The following PTPRT variants were observed in gnomAD, a reference collection of about 807,000 sequenced individuals.
PTPRT encodes the protein receptor-type tyrosine-protein phosphatase T.
A neutral mutation model predicts 176.8 loss-of-function variants in PTPRT; 56 were observed. The ratio of observed to expected loss-of-function variants is 0.32; its 90% CI spans 0.26 to 0.40. The LOEUF (loss-of-function observed/expected upper bound fraction) is 0.40. Ranked by LOEUF, PTPRT falls within the 10% of genes least tolerant of loss-of-function variation. PTPRT has a pLI of 1.00. For missense variants in PTPRT, 1,540 were observed against 1,908.2 expected (o/e 0.81, Z 3.60); for synonymous variants, 783 against 739.0 (o/e 1.06, Z -0.96).
intron 15 of PTPRT, among the ~76,000 whole-genome samples, chr20:42,218,623 A>G (rs2055821429): frequency 6.6e-6 from 1 of 152,194 alleles, no homozygotes; most frequent in Non-Finnish European, 1.5e-5. Flanking sequence ...TCTCCCAAGC[A>G]CAGAAAGCTG....
At chr20:42,154,122 A>G (rs1371589332) in intron 17 of PTPRT, among the ~76,000 whole-genome samples, 1 of 152,152 alleles carries the variant, frequency 6.6e-6, no homozygotes, top group Non-Finnish European at 1.5e-5. Context: ...TTTCCCATTC[A>G]TGATTTGGGC....
intron 5 of PTPRT, among the ~76,000 whole-genome samples, chr20:42,764,681 C>T (rs2076958847): frequency 6.6e-6 from 1 of 152,200 alleles, no homozygotes; most frequent in Non-Finnish European, 1.5e-5. Flanking sequence ...ATCTAAGGCT[C>T]AGTCTCCTCA....
chr20:43,005,410 G>C (rs1984801620), intron 1 of PTPRT, among the ~76,000 whole-genome samples: 1 of 152,020 alleles, frequency 6.6e-6, no homozygotes, highest in Non-Finnish European at 1.5e-5. Context: ...CTCAAACTGG[G>C]TGTTCTTTTC....
At chr20:42,333,630 C>T (rs2057999186) in intron 11 of PTPRT, among the ~76,000 whole-genome samples, 2 of 152,066 alleles carry the variant, frequency 1.3e-5, no homozygotes, top group Admixed American at 1.3e-4. Flanking sequence ...CTGCGCCCAG[C>T]CAGGCTTAGT....
intron 7 of PTPRT, among the ~76,000 whole-genome samples, chr20:42,656,837 C>T (rs1300726178): frequency 6.6e-6 from 1 of 152,190 alleles, no homozygotes; most frequent in Non-Finnish European, 1.5e-5. Flanking sequence ...CCTCCACTCT[C>T]TCACCCCCTT....
intron 1 of PTPRT, among the ~76,000 whole-genome samples, chr20:42,897,293 G>A (rs1600533664): frequency 6.6e-6 from 1 of 152,256 alleles, no homozygotes; most frequent in Admixed American, 6.5e-5. Context: ...AGAAAACAGT[G>A]TCTGATCTGT....
At chr20:42,755,555 G>A (rs541543697) in intron 6 of PTPRT, among the ~76,000 whole-genome samples, 5 of 147,628 alleles carry the variant, frequency 3.4e-5, no homozygotes, top group Non-Finnish European at 5.9e-5. Context: ...GCAGTTACCA[G>A]TGTAAACTGT....
chr20:42,184,540 C>CTT (rs879588603), intron 16 of PTPRT, among the ~76,000 whole-genome samples: 38,739 of 112,484 alleles, frequency 0.34, 7,339 homozygotes, highest in African/African-American at 0.4. Flanking sequence ...TCTTCCTCTT[C>CTT]CTCTTCTTCT....
chr20:42,912,738 T>A (rs1978482096), intron 1 of PTPRT, among the ~76,000 whole-genome samples: 1 of 152,248 alleles, frequency 6.6e-6, no homozygotes, highest in South Asian at 2.1e-4. Context: ...AACTTTATTT[T>A]ACTTTTTAAA....
intron 5 of PTPRT, among the ~76,000 whole-genome samples, chr20:42,763,635 T>G (rs753956231): frequency 5.9e-5 from 9 of 152,240 alleles, no homozygotes; most frequent in Non-Finnish European, 1.2e-4. Flanking sequence ...CTAGTCACCC[T>G]GCTGCCACGG....
chr20:42,058,013 G>T, the PTPRT span, among the ~76,000 whole-genome samples: 4 of 152,182 alleles, frequency 2.6e-5, no homozygotes, highest in Non-Finnish European at 4.4e-5. Flanking sequence ...TACATTGCAT[G>T]TCAAAACAAG....
chr20:42,071,118 T>A (rs2146038612), downstream of PTPRT, among the ~76,000 whole-genome samples: 1 of 152,232 alleles, frequency 6.6e-6, no homozygotes, highest in East Asian at 1.9e-4. Flanking sequence ...GCCATGTATC[T>A]AGGTTCCTCA....
intron 13 of PTPRT, among the ~76,000 whole-genome samples, chr20:42,272,194 G>A (rs6016731): frequency 0.012 from 1,804 of 152,212 alleles, 42 homozygotes; most frequent in African/African-American, 0.041. Context: ...TATATAAAAT[G>A]CAAATTTCAG....
rs761093954 is a variant in PTPRT, at chr20:42,352,176, T to A, written c.1670A>T (p.Tyr557Phe). Residue 557 changes from tyrosine (Y) to phenylalanine (F), a missense_variant, in exon 10 of 31, where the codon TAC (tyrosine) becomes TTC (phenylalanine). Tyr to Phe is a conservative substitution (Grantham distance 22, BLOSUM62 3). Around this residue, in one of 11 missense-constraint regions of PTPRT, gnomAD observed 136 missense variants for 135.0 expected, o/e 1.01. Coordinates refer to ENST00000373187, the MANE Select transcript of PTPRT (RefSeq NM_007050.6). ...GGTGAAGGAATAGGTGGTCCCTGGG[T>A]ACAGACCCACAAAGAGGTGGTGGGT... is the stretch of plus-strand genomic sequence containing the variant. ...NETHHLFVGL[Y>F]PGTTYSFTIK... 9.3e-6 allele frequency: 15 copies of A among 1,614,060 alleles called. No homozygotes were observed. The highest frequency in any genetic ancestry group is 1.3e-5 in the African/African-American group (1 of 74,918).
intron 9 of PTPRT, among the ~76,000 whole-genome samples, chr20:42,369,928 C>T (rs2058565404): frequency 6.6e-6 from 1 of 152,134 alleles, no homozygotes; most frequent in African/African-American, 2.4e-5. Flanking sequence ...AAGTGAACAC[C>T]TCATCTGGAT....
chr20:42,556,833 T>C (rs1314885262), intron 7 of PTPRT, among the ~76,000 whole-genome samples: 2 of 152,130 alleles, frequency 1.3e-5, no homozygotes, highest in Non-Finnish European at 2.9e-5. Flanking sequence ...CTGAGTGACA[T>C]TGCTGGTGCC....
chr20:42,477,193 C>T (rs1008889413), intron 7 of PTPRT, among the ~76,000 whole-genome samples: 3 of 152,234 alleles, frequency 2.0e-5, no homozygotes, highest in Middle Eastern at 3.4e-3. Context: ...TTTGTCCCCC[C>T]TCTCAGGCTG....
chr20:42,299,641 C>CTT lies in PTPRT; in HGVS notation c.2139+16080_2139+16081dup, dbSNP rs34045854. On this transcript the variant is annotated intron_variant, in intron 12 of 30. Coordinates refer to ENST00000373187, the MANE Select transcript of PTPRT (RefSeq NM_007050.6). ...GAATGGAGGTATCATGAACTTTTGCCTTTTTTTTTTTTTTTTTTTTTTTGA... is the reference window on the plus strand; with the variant it reads ...GAATGGAGGTATCATGAACTTTTGCCTTTTTTTTTTTTTTTTTTTTTTTTTGA... Among the ~76,000 whole-genome samples, 427 of 85,938 alleles carry CTT rather than the reference C, an allele frequency of 5.0e-3. 41 individuals carry two copies. The highest frequency in any genetic ancestry group is 0.017 in the African/African-American group (344 of 20,396). The allele number at this position is 85,938 out of a possible 152,430, so 56.4% of individuals were successfully genotyped here.
rs1982801077 is a variant in PTPRT, at chr20:42,076,657, G to T, written c.*4222C>A. On this transcript the variant is annotated 3_prime_UTR_variant, in exon 31 of 31. Transcript: ENST00000373187. ...CACTGCTCCTAGAGTCAATTCTAGG[G>T]TCAAGCTGAAGACCAGCTGACCTAG... 1 of 196,878 alleles carries T rather than the reference G, an allele frequency of 5.1e-6. No individual in the cohort carries two copies. The highest frequency in any genetic ancestry group is 2.3e-5 in the African/African-American group (1 of 43,204). 12.2% of individuals were successfully genotyped at this position (196,878 alleles called of 1,614,324 possible).
Sources: gnomAD v4.1 joint callset for allele counts (sites outside exome capture counted in the v4.1 genomes callset) on GRCh38, gnomAD v4.1.1 for gene constraint, gnomAD v4.1.1 regional missense constraint, MANE v1.5 for transcripts, NCBI Gene and HGNC (gene_info 2026-07-23, HGNC 2026-07-21) for gene names.